The following SLC9A9 variants were observed in gnomAD, a reference collection of about 807,000 sequenced individuals.
SLC9A9 encodes the protein solute carrier family 9 member A9.
A neutral mutation model predicts 77.8 loss-of-function variants in SLC9A9; 62 were observed. The ratio of observed to expected loss-of-function variants is 0.80; its 90% CI spans 0.65 to 0.98. The LOEUF (loss-of-function observed/expected upper bound fraction) is 0.98, where lower values mean the gene tolerates loss of function less well. Ranked by LOEUF, SLC9A9 falls within the 50% of genes least tolerant of loss-of-function variation. The pLI, the probability that SLC9A9 is intolerant of heterozygous loss-of-function variation, is 0.00. For missense variants in SLC9A9, 775 were observed against 774.9 expected, an observed-to-expected ratio of 1.00 and a Z score of 0.00; for synonymous variants, 320 against 283.5, an observed-to-expected ratio of 1.13 and a Z score of -1.29.
At chr3:143,765,488 A>G (rs1255038289) in intron 4 of SLC9A9, among the ~76,000 whole-genome samples, 1 of 152,198 alleles carries the variant, frequency 6.6e-6, no homozygotes, top group African/African-American at 2.4e-5. Flanking sequence ...CATTCACTAT[A>G]TGTGGTAAAT....
chr3:143,540,482 T>A (rs2036669245), intron 9 of SLC9A9, among the ~76,000 whole-genome samples: 1 of 152,058 alleles, frequency 6.6e-6, no homozygotes, highest in Non-Finnish European at 1.5e-5. Context: ...CCCTTCATCA[T>A]CCTCTGTTAA....
At chr3:143,687,102 T>C (rs565959056) in intron 5 of SLC9A9, among the ~76,000 whole-genome samples, 1 of 152,184 alleles carries the variant, frequency 6.6e-6, no homozygotes, top group South Asian at 2.1e-4. Context: ...GGAGATAAAA[T>C]GAATCAAATT....
chr3:143,642,000 C>T (rs1160232776), intron 6 of SLC9A9, among the ~76,000 whole-genome samples: 1 of 152,182 alleles, frequency 6.6e-6, no homozygotes, highest in Non-Finnish European at 1.5e-5. Context: ...CTCAATTCTC[C>T]TTGTTTCTCC....
At chr3:143,512,381 C>A (rs72991967) in intron 9 of SLC9A9, among the ~76,000 whole-genome samples, 3,087 of 152,142 alleles carry the variant, frequency 0.02, 99 homozygotes, top group African/African-American at 0.069. Flanking sequence ...GGTGGAAAAC[C>A]ACCAAAACAT....
chr3:143,624,472 G>A (rs1332896657), intron 6 of SLC9A9, among the ~76,000 whole-genome samples: 4 of 151,994 alleles, frequency 2.6e-5, no homozygotes, highest in South Asian at 2.1e-4. Flanking sequence ...TATGCAAATC[G>A]ATAAACATAA....
At chr3:143,671,966 T>A (rs2039161479) in intron 5 of SLC9A9, among the ~76,000 whole-genome samples, 1 of 152,234 alleles carries the variant, frequency 6.6e-6, no homozygotes, top group Non-Finnish European at 1.5e-5. Flanking sequence ...CTACCAAATA[T>A]TAGATGCTAA....
In SLC9A9 at chr3:143,686,765, A is replaced by G. The variant is rs117681336; in HGVS notation, c.649+6427T>C. 1.1e-4 allele frequency among the ~76,000 whole-genome samples: 17 copies of G among 152,322 alleles called. No homozygotes were observed. In the East Asian group the frequency reaches 3.3e-3, roughly 29 times the overall value. On this transcript the variant is annotated intron_variant, in intron 5 of 15. Transcript: ENST00000316549. ...ATGAAAAAGACAAGAGGAGAGTATG[A>G]GGCTGGACAGCTCCTTGACAAGCTT...
At chr3:143,535,489 A>C (rs189128175) in intron 9 of SLC9A9, among the ~76,000 whole-genome samples, 4 of 152,324 alleles carry the variant, frequency 2.6e-5, no homozygotes, top group Admixed American at 2.6e-4. Context: ...TTTGGAAAAC[A>C]TTGTGTAACT....
chr3:143,847,682 G>T, intron 1 of SLC9A9: 1 of 166,628 alleles, frequency 6.0e-6, no homozygotes, highest in Non-Finnish European at 1.3e-5. Context: ...TAAGAGGGGT[G>T]GGGTTAGTTT....
intron 6 of SLC9A9, among the ~76,000 whole-genome samples, chr3:143,612,365 A>G (rs1259067661): frequency 6.6e-6 from 1 of 152,196 alleles, no homozygotes; most frequent in Non-Finnish European, 1.5e-5. Flanking sequence ...ACCAAACTCC[A>G]TGCAATCCTA....
At chr3:143,661,351 A>G (rs945603052) in intron 5 of SLC9A9, among the ~76,000 whole-genome samples, 1 of 152,194 alleles carries the variant, frequency 6.6e-6, no homozygotes, top group African/African-American at 2.4e-5. Flanking sequence ...AACATAAAGC[A>G]TGGAACTCAG....
chr3:143,703,459 T>A (rs1420814809), intron 4 of SLC9A9, among the ~76,000 whole-genome samples: 2 of 152,078 alleles, frequency 1.3e-5, no homozygotes, highest in Non-Finnish European at 2.9e-5. Flanking sequence ...AATATGCTCC[T>A]AAATGACAGT....
intron 5 of SLC9A9, among the ~76,000 whole-genome samples, chr3:143,683,240 G>A (rs532868527): frequency 1.3e-5 from 2 of 152,196 alleles, no homozygotes; most frequent in Non-Finnish European, 1.5e-5. Context: ...CAACGTGATC[G>A]ATCAAGCATC....
At chr3:143,301,124 T>C (rs1230394671) in intron 14 of SLC9A9, among the ~76,000 whole-genome samples, 3 of 152,198 alleles carry the variant, frequency 2.0e-5, no homozygotes, top group African/African-American at 7.2e-5. Context: ...TTTGCAAAAC[T>C]TGGCTAATCC....
intron 12 of SLC9A9, 124 bp from the exon 13 acceptor site, chr3:143,382,238 C>T: frequency 3.0e-6 from 3 of 994,248 alleles, no homozygotes; most frequent in South Asian, 2.6e-5. Flanking sequence ...GAAAACTATC[C>T]TACGTCTTCT....
At chr3:143,561,819 A>C (rs1264454859) in intron 8 of SLC9A9, among the ~76,000 whole-genome samples, 1 of 152,244 alleles carries the variant, frequency 6.6e-6, no homozygotes. Flanking sequence ...AATAACTTGG[A>C]GAAACTCATT....
chr3:143,796,609 G>C (rs2008392162), intron 3 of SLC9A9, among the ~76,000 whole-genome samples: 1 of 152,128 alleles, frequency 6.6e-6, no homozygotes. Flanking sequence ...CATTTCAAGA[G>C]CTCAATAGTT....
intron 2 of SLC9A9, among the ~76,000 whole-genome samples, chr3:143,803,851 A>C (rs1279076774): frequency 6.6e-6 from 1 of 152,156 alleles, no homozygotes; most frequent in Non-Finnish European, 1.5e-5. Context: ...CTAAACCTGA[A>C]CTTCCTTTAA....
rs1178199828 is a variant in SLC9A9, at chr3:143,777,904, G to A, written c.533+17097C>T. Among the ~76,000 whole-genome samples the A allele has an allele frequency of 3.3e-5, 5 of 150,794 alleles. No homozygotes were observed. The East Asian group carries it at 7.8e-4, about 23-fold the overall frequency. On this transcript the variant is annotated intron_variant, in intron 4 of 15. Transcript: ENST00000316549. ...TAATTTTTGTATTTTTAGTAGAGAC[G>A]GGGTTTCACCATGTTGGTCAGGCTG... is the stretch of plus-strand genomic sequence containing the variant.
Sources: gnomAD v4.1 joint callset for allele counts (sites outside exome capture counted in the v4.1 genomes callset) on GRCh38, gnomAD v4.1.1 for gene constraint, MANE v1.5 for transcripts, NCBI Gene and HGNC (gene_info 2026-07-23, HGNC 2026-07-21) for gene names.